Variants in FNDC3B observed in about 807,000 individuals in gnomAD.
FNDC3B encodes the protein fibronectin type III domain-containing protein 3B.
Under a neutral mutation model 151.5 loss-of-function variants are expected in FNDC3B, and 12 were observed. The ratio of observed to expected loss-of-function variants is 0.08; its 90% CI spans 0.05 to 0.13. The LOEUF (loss-of-function observed/expected upper bound fraction) is 0.13, where lower values mean the gene tolerates loss of function less well. FNDC3B is among the 10% of genes least tolerant of loss of function. The probability of loss-of-function intolerance (pLI) is 1.00; values close to 1 mark genes in which losing one functional copy is unlikely to be tolerated. For missense variants in FNDC3B, 1,214 were observed against 1,505.3 expected, an observed-to-expected ratio of 0.81 and a Z score of 3.20; for synonymous variants, 528 against 549.0, an observed-to-expected ratio of 0.96 and a Z score of 0.54.
intron 1 of FNDC3B, among the ~76,000 whole-genome samples, chr3:172,044,484 A>T (rs1269564312): frequency 6.6e-6 from 1 of 152,124 alleles, no homozygotes; most frequent in Non-Finnish European, 1.5e-5. Flanking sequence ...TGGAGGACCT[A>T]TGTCTGTAAA....
intron 3 of FNDC3B, among the ~76,000 whole-genome samples, chr3:172,138,074 C>G (rs1302139038): frequency 6.6e-6 from 1 of 152,204 alleles, no homozygotes; most frequent in Non-Finnish European, 1.5e-5. Flanking sequence ...ATCTCTTTAT[C>G]TGCTCCCTGT....
chr3:172,133,527 AAC>A lies in FNDC3B; in HGVS notation c.171_172del (p.Leu58SerfsTer8). 6.2e-7 allele frequency: 1 copy of A among 1,612,050 alleles called. No homozygotes were observed. Among genetic ancestry groups the A allele is most frequent in the Non-Finnish European group, 8.5e-7 (1 of 1,178,226 alleles). On this transcript the variant is annotated frameshift_variant, in exon 3 of 26. Transcript: ENST00000415807. LOFTEE classifies it high-confidence loss of function. ...CTTTCACAATAAGAGCAGAGGATGG[AAC>A]ACTTCAGTGCATTCAAGGTAAGGAC... is the stretch of plus-strand genomic sequence containing the variant. ...ETFTIRAEDG[T>X]LQCIQGPAEV...
intron 1 of FNDC3B, among the ~76,000 whole-genome samples, chr3:172,108,177 A>G (rs1380455062): frequency 7.6e-6 from 1 of 132,386 alleles, no homozygotes; most frequent in African/African-American, 3.6e-5. Context: ...CAAAAAAAAG[A>G]AAAAAAAAAA....
chr3:172,274,780 A>C (rs1209392726), intron 6 of FNDC3B, among the ~76,000 whole-genome samples: 3 of 151,842 alleles, frequency 2.0e-5, no homozygotes, highest in Admixed American at 2.0e-4. Flanking sequence ...GTAGATGGCC[A>C]TTTTCTCCCT....
In FNDC3B at chr3:172,319,561, C is replaced by A. The variant is rs537852910; in HGVS notation, c.1254+8680C>A. On this transcript the variant is annotated intron_variant, in intron 11 of 25. Transcript: ENST00000415807. ...AACATGGAACCACAAATCATCCCAC[C>A]CACTTTTCTTACCTTTGAAACATCC... 2.0e-5 allele frequency among the ~76,000 whole-genome samples: 3 copies of A among 152,284 alleles called. No individual in the cohort carries two copies. The East Asian group carries it at 5.8e-4, about 29-fold the overall frequency.
At chr3:172,140,113 T>C (rs1721547815) in intron 3 of FNDC3B, among the ~76,000 whole-genome samples, 1 of 152,220 alleles carries the variant, frequency 6.6e-6, no homozygotes, top group African/African-American at 2.4e-5. Flanking sequence ...TGGCCATCTT[T>C]CTTTCTGATT....
intron 3 of FNDC3B, among the ~76,000 whole-genome samples, chr3:172,216,965 CTGGGCTATAT>C (rs1404189539): frequency 2.0e-5 from 3 of 152,166 alleles, no homozygotes; most frequent in Non-Finnish European, 2.9e-5. Flanking sequence ...CTTGAGTTGT[CTGGGCTATAT>C]GCCTGACTCC....
In FNDC3B at chr3:172,298,317, A is replaced by G. The variant is rs73033103; in HGVS notation, c.1002-411A>G. The stretch of plus-strand genomic sequence containing the variant: ...AGGAAGTGAGATTGTGATTTTTCTT[A>G]AGACAGTCCAGAGTTGAGATAATTG... On this transcript the variant is annotated intron_variant, in intron 8 of 25. Transcript: ENST00000415807. Among the ~76,000 whole-genome samples, 324 of 152,312 alleles carry G rather than the reference A, an allele frequency of 2.1e-3. 2 individuals are homozygous for G. Among genetic ancestry groups the G allele is most frequent in the African/African-American group, 7.4e-3 (307 of 41,566 alleles).
At chr3:172,301,178 T>C (rs1730895120) in intron 9 of FNDC3B, among the ~76,000 whole-genome samples, 1 of 152,222 alleles carries the variant, frequency 6.6e-6, no homozygotes, top group African/African-American at 2.4e-5. Context: ...AGCAAATATA[T>C]GTGCAAATCT....
chr3:172,129,327 GTAAT>G (rs1266328658), intron 2 of FNDC3B, among the ~76,000 whole-genome samples: 1 of 152,130 alleles, frequency 6.6e-6, no homozygotes, highest in Non-Finnish European at 1.5e-5. Context: ...TGAGTGACTG[GTAAT>G]TTTTTTATTT....
At chr3:172,152,973 A>C (rs1011825801) in intron 3 of FNDC3B, among the ~76,000 whole-genome samples, 4 of 151,968 alleles carry the variant, frequency 2.6e-5, no homozygotes, top group African/African-American at 9.7e-5. Context: ...TTCTTTGTTT[A>C]CTGTGTTTAC....
intron 3 of FNDC3B, among the ~76,000 whole-genome samples, chr3:172,184,715 A>G (rs1027158659): frequency 2.0e-5 from 3 of 152,180 alleles, no homozygotes; most frequent in African/African-American, 7.2e-5. Flanking sequence ...CCAACATTCT[A>G]ATTATTCCTG....
chr3:172,126,746 A>G (rs536403277), intron 2 of FNDC3B, among the ~76,000 whole-genome samples: 5 of 152,328 alleles, frequency 3.3e-5, no homozygotes, highest in South Asian at 4.1e-4. Flanking sequence ...CAGAAAACTG[A>G]GCCGGAGAGG....
intron 16 of FNDC3B, among the ~76,000 whole-genome samples, chr3:172,338,720 GGTTTTGTTTT>G (rs548549672): frequency 1.7e-3 from 252 of 152,136 alleles, no homozygotes; most frequent in African/African-American, 5.5e-3. Flanking sequence ...TAACTATTAA[GGTTTTGTTTT>G]GTTTTGTTTT....
intron 16 of FNDC3B, among the ~76,000 whole-genome samples, chr3:172,339,028 C>T (rs769990418): frequency 3.3e-5 from 5 of 151,806 alleles, no homozygotes; most frequent in African/African-American, 7.2e-5. Flanking sequence ...TGAGCCACCG[C>T]GCCCGGCCCA....
At position 172,120,236 on chromosome 3, in the gene FNDC3B, A is replaced by C. The variant is rs141707385; in HGVS notation, c.111+7646A>C. On this transcript the variant is annotated intron_variant, in intron 2 of 25. Coordinates refer to ENST00000415807, the MANE Select transcript of FNDC3B (RefSeq NM_022763.4). The stretch of plus-strand genomic sequence containing the variant: ...ATATAAGATGTAGTCAGTATCCTTC[A>C]AATGCTAGAAATTGAGCTGCCCTTA... Among the ~76,000 whole-genome samples, 722 of 152,374 alleles carry C rather than the reference A, an allele frequency of 4.7e-3. 5 individuals carry two copies. The highest frequency in any genetic ancestry group is 0.016 in the African/African-American group (670 of 41,590).
At chr3:172,270,867 G>A (rs752296953) in intron 6 of FNDC3B, among the ~76,000 whole-genome samples, 4 of 152,190 alleles carry the variant, frequency 2.6e-5, no homozygotes, top group Non-Finnish European at 4.4e-5. Flanking sequence ...TTCCATTGCA[G>A]TTGGAAAGAG....
chr3:172,258,128 T>C lies in FNDC3B; in HGVS notation c.790+6587T>C, dbSNP rs555466330. On this transcript the variant is annotated intron_variant, in intron 6 of 25. Transcript: ENST00000415807. Reference sequence around the variant, plus strand: ...AAGTCATACTGCCATATGGGAAAAATTGGGACAAAGTGGCAAGAATTCCAA... The same window carrying C: ...AAGTCATACTGCCATATGGGAAAAACTGGGACAAAGTGGCAAGAATTCCAA... Among the ~76,000 whole-genome samples, 5 of 152,124 alleles carry C rather than the reference T, an allele frequency of 3.3e-5. No homozygotes were observed. In the East Asian group the frequency reaches 9.7e-4, roughly 29 times the overall value.
intron 23 of FNDC3B, among the ~76,000 whole-genome samples, chr3:172,377,929 C>T (rs1199382996): frequency 6.6e-6 from 1 of 152,160 alleles, no homozygotes; most frequent in East Asian, 1.9e-4. Context: ...GATTAGTTTA[C>T]ACTACCAGAT....
Sources: allele counts gnomAD v4.1 joint callset (sites outside exome capture counted in the v4.1 genomes callset), GRCh38; gene constraint gnomAD v4.1.1; transcripts MANE v1.5; gene names NCBI Gene and HGNC (gene_info 2026-07-23, HGNC 2026-07-21).